DUSP22: variants seen among roughly 807,000 people sequenced by gnomAD.
The protein encoded by DUSP22 is dual specificity phosphatase 22, also known as dual specificity protein phosphatase 22.
DUSP22 carries 24 observed loss-of-function variants against 24.5 expected under a neutral mutation model. The observed-to-expected ratio is 0.98, with a 90% CI of 0.71 to 1.38. The LOEUF is 1.38. Among genes scored for constraint, DUSP22 ranks in the 40% most tolerant of loss-of-function variants. DUSP22 has a pLI of 0.00. For missense variants in DUSP22, 330 were observed against 269.2 expected, an observed-to-expected ratio of 1.23 and a Z score of -1.58; for synonymous variants, 160 against 106.4, an observed-to-expected ratio of 1.50 and a Z score of -3.10.
chr6:300,749 C>A (rs113960805), intron 1 of DUSP22, among the ~76,000 whole-genome samples: 5 of 152,310 alleles, frequency 3.3e-5, no homozygotes, highest in African/African-American at 1.2e-4. Flanking sequence ...GTGCACTCTT[C>A]TGCATTTATG....
chr6:340,816 A>T (rs1247556285), intron 4 of DUSP22, among the ~76,000 whole-genome samples: 1 of 152,308 alleles, frequency 6.6e-6, no homozygotes, highest in Non-Finnish European at 1.5e-5. Context: ...TTTGAGCAGG[A>T]CAGGACCATC....
intron 1 of DUSP22, among the ~76,000 whole-genome samples, chr6:302,643 T>G (rs1757637906): frequency 6.6e-6 from 1 of 152,310 alleles, no homozygotes; most frequent in Non-Finnish European, 1.5e-5. Context: ...CTTTAGCCAC[T>G]ATGATACGTT....
Position 350,583 on chromosome 6 carries a change from G to C in DUSP22, c.*1632G>C, listed in dbSNP as rs1760152173. ...ATTCCGCGCAGGTGCACAGGCCCCG[G>C]ATGTACACCCGGAAAGGGGAGTGTG... On this transcript the variant is annotated 3_prime_UTR_variant, in exon 7 of 7. Transcript: ENST00000419235. 6 of 1,418,350 alleles carry C rather than the reference G, an allele frequency of 4.2e-6. No homozygotes were observed. Among genetic ancestry groups the C allele is most frequent in the Non-Finnish European group, 4.6e-6 (5 of 1,090,364 alleles). The allele number at this position is 1,418,350 out of a possible 1,614,324, so 87.9% of individuals were successfully genotyped here. A position where few individuals can be genotyped will look rare whatever the true frequency, so the allele number is the denominator to read the frequency against.
At chr6:300,923 A>G (rs979892524) in intron 1 of DUSP22, among the ~76,000 whole-genome samples, 2 of 152,308 alleles carry the variant, frequency 1.3e-5, no homozygotes, top group South Asian at 2.1e-4. Flanking sequence ...CAGTGAGAGC[A>G]TTTCTGGGGC....
At chr6:294,063 G>T (rs1757215408) in intron 1 of DUSP22, among the ~76,000 whole-genome samples, 2 of 152,236 alleles carry the variant, frequency 1.3e-5, no homozygotes, top group African/African-American at 4.8e-5. Flanking sequence ...ACCGTTTTCA[G>T]CATTTAATTT....
rs937468513 is a variant in DUSP22 at position 304,492 on chromosome 6, C to T, written c.22-136C>T. 2.4e-5 allele frequency: 31 copies of T among 1,305,752 alleles called. No individual in the cohort carries two copies. The South Asian group carries it at 3.1e-4, about 13-fold the overall frequency. The allele number at this position is 1,305,752 out of a possible 1,614,324, so 80.9% of individuals were successfully genotyped here. ...GCCGCTGGGGATGTTGGGTCACCCG[C>T]GTGTCTGTCAGGGAGGTGCTGTACT... On this transcript the variant is annotated intron_variant, in intron 1 of 6. Coordinates refer to ENST00000419235, the MANE Select transcript of DUSP22 (RefSeq NM_001286555.3).
chr6:333,934 G>C lies in DUSP22; in HGVS notation c.139-1180G>C, dbSNP rs948935611. 2.0e-5 allele frequency among the ~76,000 whole-genome samples: 3 copies of C among 152,422 alleles called. No individual in the cohort carries two copies. The East Asian group carries it at 5.8e-4, about 29-fold the overall frequency. On this transcript the variant is annotated intron_variant, in intron 3 of 6. Coordinates refer to ENST00000419235, the MANE Select transcript of DUSP22 (RefSeq NM_001286555.3). Reference sequence around the variant, plus strand: ...AAAAGTAGGACTCACAATGTCAGGGGCTATTAAAATGTGTAGGAGGTGTGG... The same window carrying C: ...AAAAGTAGGACTCACAATGTCAGGGCCTATTAAAATGTGTAGGAGGTGTGG...
At chr6:294,645 A>G (rs1251701322) in intron 1 of DUSP22, among the ~76,000 whole-genome samples, 34 of 152,290 alleles carry the variant, frequency 2.2e-4, no homozygotes, top group Admixed American at 1.6e-3. Context: ...GGACCCCCAG[A>G]TCACTTAACC....
At chr6:307,295 T>G (rs2127394777) in intron 2 of DUSP22, among the ~76,000 whole-genome samples, 1 of 152,356 alleles carries the variant, frequency 6.6e-6, no homozygotes, top group African/African-American at 2.4e-5. Flanking sequence ...TCTCTTCCCC[T>G]TCCCGTTTCC....
intron 1 of DUSP22, among the ~76,000 whole-genome samples, chr6:297,059 AAG>A (rs1430195041): frequency 2.0e-5 from 3 of 152,294 alleles, no homozygotes; most frequent in Admixed American, 6.5e-5. Flanking sequence ...CACTGTTGCT[AAG>A]AGGGGCTGGC....
intron 3 of DUSP22, among the ~76,000 whole-genome samples, chr6:317,408 T>G (rs1758383606): frequency 6.6e-6 from 1 of 152,310 alleles, no homozygotes; most frequent in South Asian, 2.1e-4. Flanking sequence ...AAAGGGTGTT[T>G]AAAGTTGAAG....
At chr6:318,654 C>T (rs1758439708) in intron 3 of DUSP22, among the ~76,000 whole-genome samples, 1 of 152,424 alleles carries the variant, frequency 6.6e-6, no homozygotes, top group East Asian at 1.9e-4. Flanking sequence ...ACCTGCAAGT[C>T]ACAGAAGCTA....
intron 1 of DUSP22, among the ~76,000 whole-genome samples, chr6:303,263 A>G (rs1757666456): frequency 6.6e-6 from 1 of 152,308 alleles, no homozygotes; most frequent in African/African-American, 2.4e-5. Context: ...TAGGAATGAT[A>G]AAGTATAGAC....
chr6:333,378 C>T (rs535233292), intron 3 of DUSP22, among the ~76,000 whole-genome samples: 7 of 152,412 alleles, frequency 4.6e-5, no homozygotes, highest in Admixed American at 3.9e-4. Context: ...CCAAAAGGGC[C>T]TTTATTGGAA....
At chr6:313,870 A>G (rs1451234452) in intron 3 of DUSP22, among the ~76,000 whole-genome samples, 1 of 152,300 alleles carries the variant, frequency 6.6e-6, no homozygotes, top group African/African-American at 2.4e-5. Context: ...GCCAAAAGTT[A>G]TTTGAATTGG....
chr6:348,462 C>T (rs1468109153), intron 6 of DUSP22, 188 bp downstream of exon 6: 1 of 1,016,434 alleles, frequency 9.8e-7, no homozygotes, highest in African/African-American at 1.6e-5. Flanking sequence ...GTTGAAGCCA[C>T]AGGCGCCTAC....
chr6:324,939 C>T (rs1758785302), intron 3 of DUSP22, among the ~76,000 whole-genome samples: 1 of 152,304 alleles, frequency 6.6e-6, no homozygotes, highest in Non-Finnish European at 1.5e-5. Context: ...CTTCGTGCCT[C>T]CCTAAGGAGG....
intron 3 of DUSP22, among the ~76,000 whole-genome samples, chr6:312,513 A>T (rs1199815638): frequency 6.6e-6 from 1 of 152,308 alleles, no homozygotes; most frequent in Non-Finnish European, 1.5e-5. Context: ...TTCCAAAAAC[A>T]TCTTTAAATT....
At chr6:314,794 G>A (rs1478632193) in intron 3 of DUSP22, among the ~76,000 whole-genome samples, 1 of 152,308 alleles carries the variant, frequency 6.6e-6, no homozygotes, top group Non-Finnish European at 1.5e-5. Flanking sequence ...TCCAGGGGAT[G>A]TAAGTAAGGA....
Sources: allele counts gnomAD v4.1 joint callset (sites outside exome capture counted in the v4.1 genomes callset), GRCh38; gene constraint gnomAD v4.1.1; transcripts MANE v1.5; gene names NCBI Gene and HGNC (gene_info 2026-07-23, HGNC 2026-07-21).